FARS2: variants seen among roughly 807,000 people sequenced by gnomAD.
FARS2 encodes phenylalanyl-tRNA synthetase 2, mitochondrial, also known as phenylalanine--tRNA ligase, mitochondrial.
Under a neutral mutation model 46.4 loss-of-function variants are expected in FARS2, and 40 were observed. That is an observed-to-expected ratio of 0.86 (90% confidence interval 0.67 to 1.12). The LOEUF is 1.12. Among genes scored for constraint, FARS2 ranks in the 50% most tolerant of loss-of-function variants. The pLI is 0.00. For missense variants in FARS2, 513 were observed against 567.9 expected (o/e 0.90, Z 0.98); for synonymous variants, 234 against 214.9 (o/e 1.09, Z -0.78).
At chr6:5,262,469 G>T (rs993186283) in intron 1 of FARS2, among the ~76,000 whole-genome samples, 3 of 152,096 alleles carry the variant, frequency 2.0e-5, no homozygotes, top group African/African-American at 7.2e-5. Context: ...AGTAGAGACA[G>T]GGTTTCACCA....
In FARS2 at chr6:5,545,260, A is replaced by G. The variant is rs1770896163; in HGVS notation, c.985A>G (p.Ile329Val). The G allele has an allele frequency of 3.1e-6, 5 of 1,614,090 alleles. No individual in the cohort carries two copies. The highest frequency in any genetic ancestry group is 3.4e-6 in the Non-Finnish European group (4 of 1,179,952). ...CATGATCCTCTACGACATCCCTGAT[A>G]TCCGTCTCTTCTGGTGTGAGGACGA... ...LAMILYDIPD[I>V]RLFWCEDERF... Residue 329 changes from isoleucine to valine, a missense_variant, in exon 5 of 7, where the codon ATC becomes GTC. By Grantham distance (29) the Ile-to-Val change is conservative. Coordinates refer to ENST00000274680, the MANE Select transcript of FARS2 (RefSeq NM_006567.5).
intron 2 of FARS2, among the ~76,000 whole-genome samples, chr6:5,401,191 C>T (rs1165555572): frequency 6.6e-6 from 1 of 151,952 alleles, no homozygotes; most frequent in Non-Finnish European, 1.5e-5. Context: ...TGAACTTTAT[C>T]ATAATATATT....
At chr6:5,272,339 CTTG>C (rs1766018591) in intron 1 of FARS2, 1 of 151,960 alleles carries the variant, frequency 6.6e-6, no homozygotes, top group South Asian at 2.1e-4. Flanking sequence ...ATTAGTTTTT[CTTG>C]TTGAATTAAT....
rs1477144599 is a variant in FARS2 at position 5,287,361 on chromosome 6, C to A, written c.-22+25701C>A. 2.0e-5 allele frequency among the ~76,000 whole-genome samples: 3 copies of A among 152,164 alleles called. No individual in the cohort carries two copies. In the East Asian group the frequency reaches 5.8e-4, roughly 29 times the overall value. On this transcript the variant is annotated intron_variant, in intron 1 of 6. Transcript: ENST00000274680. ...GAGTGGTCCGTGTTATCATCCTGTTCTAGTGCTCAGAACTGCTCACGGAGG... is the reference window on the plus strand; with the variant it reads ...GAGTGGTCCGTGTTATCATCCTGTTATAGTGCTCAGAACTGCTCACGGAGG...
intron 6 of FARS2, among the ~76,000 whole-genome samples, chr6:5,703,739 C>T (rs77798813): frequency 0.011 from 1,651 of 152,274 alleles, 29 homozygotes; most frequent in African/African-American, 0.037. Flanking sequence ...CAAAGGTGGA[C>T]ACAGGGGCTT....
intron 3 of FARS2, among the ~76,000 whole-genome samples, chr6:5,420,654 T>C (rs1762493672): frequency 1.3e-5 from 2 of 152,190 alleles, no homozygotes; most frequent in Non-Finnish European, 2.9e-5. Flanking sequence ...GCAAGAGGTA[T>C]GTTCCCATGG....
intron 3 of FARS2, among the ~76,000 whole-genome samples, chr6:5,410,511 T>G (rs1201238505): frequency 6.6e-6 from 1 of 152,178 alleles, no homozygotes; most frequent in East Asian, 1.9e-4. Flanking sequence ...TTATGGGTTT[T>G]GGGTTCTTGC....
intron 6 of FARS2, among the ~76,000 whole-genome samples, chr6:5,709,630 A>T (rs1758982906): frequency 6.6e-6 from 1 of 151,802 alleles, no homozygotes; most frequent in African/African-American, 2.4e-5. Context: ...TGACATTGAG[A>T]CCAAGAAGAA....
Position 5,728,858 on chromosome 6 carries a change from C to T in FARS2, c.1218-42433C>T, listed in dbSNP as rs773679924. Among the ~76,000 whole-genome samples, 6 of 152,188 alleles carry T rather than the reference C, an allele frequency of 3.9e-5. No homozygotes were observed. In the East Asian group the frequency reaches 1.2e-3, roughly 29 times the overall value. On this transcript the variant is annotated intron_variant, in intron 6 of 6. Coordinates refer to ENST00000274680, the MANE Select transcript of FARS2 (RefSeq NM_006567.5). ...GCGCTGGCCTCCCTCGGCAACCCTA[C>T]GTTGCAGGGACTGCCTGCCCCGAAA...
Position 5,546,321 on chromosome 6 carries a change from G to T in FARS2, c.1065+981G>T, listed in dbSNP as rs191362685. The stretch of plus-strand genomic sequence containing the variant: ...GCCTGGGCTGGAGTGCGCGATCTTG[G>T]CTCACTGCAACCTGCGCCTCCTGGG... On this transcript the variant is annotated intron_variant, in intron 5 of 6. Coordinates refer to ENST00000274680, the MANE Select transcript of FARS2 (RefSeq NM_006567.5). 2.5e-3 allele frequency among the ~76,000 whole-genome samples: 369 copies of T among 147,868 alleles called. 1 individual carries two copies. The highest frequency in any genetic ancestry group is 3.9e-3 in the South Asian group (18 of 4,666).
At chr6:5,653,092 C>A (rs1777447256) in intron 6 of FARS2, among the ~76,000 whole-genome samples, 1 of 152,134 alleles carries the variant, frequency 6.6e-6, no homozygotes, top group African/African-American at 2.4e-5. Context: ...ATAGGGAAAG[C>A]CTATTAATCA....
chr6:5,450,597 T>C (rs149371045), intron 4 of FARS2, among the ~76,000 whole-genome samples: 4 of 152,248 alleles, frequency 2.6e-5, no homozygotes, highest in Non-Finnish European at 5.9e-5. Flanking sequence ...CTTCTTTTGA[T>C]GTTTTTCAAC....
intron 6 of FARS2, among the ~76,000 whole-genome samples, chr6:5,668,372 C>T (rs894515889): frequency 2.0e-5 from 3 of 152,142 alleles, no homozygotes; most frequent in Non-Finnish European, 2.9e-5. Context: ...AATTCAAGCT[C>T]GGGAATGACT....
At chr6:5,503,332 C>T (rs1255821968) in intron 4 of FARS2, among the ~76,000 whole-genome samples, 1 of 149,622 alleles carries the variant, frequency 6.7e-6, no homozygotes, top group African/African-American at 2.4e-5. Context: ...AATATTATAT[C>T]ATATACTAGA....
intron 1 of FARS2, among the ~76,000 whole-genome samples, chr6:5,337,188 G>GTA (rs35240833): frequency 6.3e-4 from 93 of 148,392 alleles, no homozygotes; most frequent in South Asian, 1.1e-3. Flanking sequence ...TATGTAATAT[G>GTA]TATATATATA....
At chr6:5,763,986 C>A (rs887265209) in intron 6 of FARS2, among the ~76,000 whole-genome samples, 32 of 151,994 alleles carry the variant, frequency 2.1e-4, no homozygotes, top group African/African-American at 7.7e-4. Flanking sequence ...AAAAGAAACA[C>A]AGGAAATACA....
intron 5 of FARS2, among the ~76,000 whole-genome samples, chr6:5,561,500 G>C (rs1771983230): frequency 6.6e-6 from 1 of 152,034 alleles, no homozygotes; most frequent in South Asian, 2.1e-4. Flanking sequence ...TGCTATTTCT[G>C]CCTTCTGGAA....
At chr6:5,295,144 G>C (rs1351855272) in intron 1 of FARS2, among the ~76,000 whole-genome samples, 1 of 152,174 alleles carries the variant, frequency 6.6e-6, no homozygotes, top group African/African-American at 2.4e-5. Context: ...GCAGTCTGTG[G>C]AGAGCTAGGA....
chr6:5,383,920 T>TTTAG (rs1440671217), intron 2 of FARS2, among the ~76,000 whole-genome samples: 1 of 152,300 alleles, frequency 6.6e-6, no homozygotes, highest in Admixed American at 6.5e-5. Context: ...GAATGAGCTG[T>TTTAG]TTAGCCACCT....
Sources: allele counts gnomAD v4.1 joint callset (sites outside exome capture counted in the v4.1 genomes callset), GRCh38; gene constraint gnomAD v4.1.1; transcripts MANE v1.5; gene names NCBI Gene and HGNC (gene_info 2026-07-23, HGNC 2026-07-21).